S100Z: variants seen among roughly 807,000 people sequenced by gnomAD.
S100Z encodes the protein protein S100-Z.
S100Z carries 11 observed loss-of-function variants against 8.5 expected under a neutral mutation model. The observed-to-expected ratio is 1.30, with a 90% confidence interval of 0.82 to 2.15. S100Z has a LOEUF of 2.15. Ranked by LOEUF, S100Z falls within the 30% of genes most tolerant of loss-of-function variation. The probability of loss-of-function intolerance (pLI) is 0.00; values close to 1 mark genes in which losing one functional copy is unlikely to be tolerated. For missense variants in S100Z, 126 were observed against 117.9 expected (o/e 1.07, Z -0.32); for synonymous variants, 34 against 43.8 (o/e 0.78, Z 0.89).
chr5:76,951,379 C>T, the S100Z span, among the ~76,000 whole-genome samples: 2 of 152,150 alleles, frequency 1.3e-5, no homozygotes, highest in African/African-American at 4.8e-5. Flanking sequence ...AGAATGTCTC[C>T]TTGGTGATGC....
intron 2 of S100Z, among the ~76,000 whole-genome samples, 192 bp from the exon 3 acceptor site, chr5:76,875,112 C>T (rs527962748): frequency 7.8e-4 from 119 of 152,186 alleles, no homozygotes; most frequent in African/African-American, 2.8e-3. Context: ...AGGATGGTCT[C>T]GATCTTCTGA....
At chr5:76,878,694 A>G (rs1320306) in intron 4 of S100Z, among the ~76,000 whole-genome samples, 85,715 of 152,058 alleles carry the variant, frequency 0.56, 26,045 homozygotes, top group Non-Finnish European at 0.67. Flanking sequence ...GATTACCCTA[A>G]CTACTGTGTA....
At chr5:76,931,825 A>G in the S100Z span, among the ~76,000 whole-genome samples, 3 of 152,206 alleles carry the variant, frequency 2.0e-5, no homozygotes, top group South Asian at 4.1e-4. Flanking sequence ...TTGTGCACAC[A>G]TAAGTCTCAG....
At chr5:76,928,420 A>G in the S100Z span, among the ~76,000 whole-genome samples, 4 of 152,160 alleles carry the variant, frequency 2.6e-5, no homozygotes, top group Non-Finnish European at 5.9e-5. Flanking sequence ...CACCTTTAGG[A>G]TGGGAGTGAG....
At chr5:76,915,097 A>C (rs1744810390) in intron 4 of S100Z, among the ~76,000 whole-genome samples, 2 of 152,064 alleles carry the variant, frequency 1.3e-5, no homozygotes, top group African/African-American at 4.8e-5. Flanking sequence ...CGAGGTTAGG[A>C]GATCAAGACC....
At chr5:76,924,047 A>G (rs184850186), downstream of S100Z, among the ~76,000 whole-genome samples, 7 of 152,256 alleles carry the variant, frequency 4.6e-5, no homozygotes, top group Admixed American at 2.0e-4. Context: ...CTCTCCCCTA[A>G]AATATCGCTA....
chr5:76,897,189 A>G (rs939433039), intron 4 of S100Z, among the ~76,000 whole-genome samples: 1 of 152,060 alleles, frequency 6.6e-6, no homozygotes, highest in Non-Finnish European at 1.5e-5. Flanking sequence ...GCGGTGGCTC[A>G]TGCTTGTAAT....
chr5:76,885,884 A>G (rs1743607165), intron 4 of S100Z, among the ~76,000 whole-genome samples: 1 of 135,838 alleles, frequency 7.4e-6, no homozygotes, highest in African/African-American at 2.9e-5. Context: ...GTGGAGAGAA[A>G]AGAGAGAGTA....
At chr5:76,910,787 G>A (rs1744626175) in intron 4 of S100Z, among the ~76,000 whole-genome samples, 1 of 152,216 alleles carries the variant, frequency 6.6e-6, no homozygotes, top group South Asian at 2.1e-4. Context: ...CCTGGACACT[G>A]GCGCGGCCTT....
intron 1 of S100Z, among the ~76,000 whole-genome samples, chr5:76,858,603 C>T (rs181162300): frequency 2.6e-5 from 4 of 151,902 alleles, no homozygotes; most frequent in Non-Finnish European, 4.4e-5. Context: ...CCTGCCTGGA[C>T]GATGACAAGT....
Position 76,903,731 on chromosome 5 carries a change from GT to G in S100Z, c.*3-16974del, listed in dbSNP as rs56785100. 5.9e-3 allele frequency among the ~76,000 whole-genome samples: 841 copies of G among 142,162 alleles called. 3 individuals are homozygous for G. The highest frequency in any genetic ancestry group is 8.4e-3 in the Non-Finnish European group (541 of 64,448). The allele number at this position is 142,162 out of a possible 152,430, so 93.3% of individuals were successfully genotyped here. ...GACATCTTTGTTTTCTTTTTTTGTTGTTTTTTTTTTTTGAGACAGAGTCTCA... is the reference window on the plus strand; with the variant it reads ...GACATCTTTGTTTTCTTTTTTTGTTGTTTTTTTTTTTGAGACAGAGTCTCA... On this transcript the variant is annotated intron_variant, in intron 4 of 4. Transcript: ENST00000317593.
intron 4 of S100Z, among the ~76,000 whole-genome samples, chr5:76,904,604 A>G (rs1201034297): frequency 6.6e-6 from 1 of 152,226 alleles, no homozygotes; most frequent in Non-Finnish European, 1.5e-5. Flanking sequence ...GACTGCATTT[A>G]TGTTTGAAAT....
chr5:76,942,445 C>CAAAAAAAAAAA, the S100Z span, among the ~76,000 whole-genome samples: 49 of 72,734 alleles, frequency 6.7e-4, no homozygotes, highest in East Asian at 1.5e-3. Flanking sequence ...AAAAAAAAAG[C>CAAAAAAAAAAA]AAAAACCTCT....
At chr5:76,909,299 A>G (rs1427147831) in intron 4 of S100Z, among the ~76,000 whole-genome samples, 1 of 152,198 alleles carries the variant, frequency 6.6e-6, no homozygotes, top group Non-Finnish European at 1.5e-5. Flanking sequence ...AATTTGATCC[A>G]TAAACCCTGA....
At chr5:76,884,653 C>T (rs1012001078) in intron 4 of S100Z, among the ~76,000 whole-genome samples, 7 of 152,110 alleles carry the variant, frequency 4.6e-5, no homozygotes, top group Admixed American at 2.0e-4. Flanking sequence ...GCTCCAGCCA[C>T]GTCTTTAAGA....
At chr5:76,863,824 C>T (rs1029545143) in intron 1 of S100Z, among the ~76,000 whole-genome samples, 8 of 152,212 alleles carry the variant, frequency 5.3e-5, no homozygotes, top group African/African-American at 1.4e-4. Context: ...AGGTGTGAGC[C>T]ACTGCGCCCG....
chr5:76,868,051 A>G (rs1382061782), intron 1 of S100Z, among the ~76,000 whole-genome samples: 1 of 152,242 alleles, frequency 6.6e-6, no homozygotes, highest in African/African-American at 2.4e-5. Flanking sequence ...TGTGCTATCA[A>G]CAGGTGTGTC....
intron 2 of S100Z, among the ~76,000 whole-genome samples, chr5:76,872,299 T>C (rs544253593): frequency 6.6e-6 from 1 of 152,218 alleles, no homozygotes; most frequent in African/African-American, 2.4e-5. Context: ...GGGCATACCT[T>C]CTTAGGACCT....
intron 1 of S100Z, among the ~76,000 whole-genome samples, chr5:76,854,119 T>C: frequency 6.6e-6 from 1 of 152,198 alleles, no homozygotes; most frequent in East Asian, 1.9e-4. Flanking sequence ...CCATTAAACC[T>C]CTTTTCTTTG....
Sources: allele counts gnomAD v4.1 joint callset (sites outside exome capture counted in the v4.1 genomes callset), GRCh38; gene constraint gnomAD v4.1.1; transcripts MANE v1.5; gene names NCBI Gene and HGNC (gene_info 2026-07-23, HGNC 2026-07-21).